The following VAT1L variants were observed in gnomAD, a reference collection of about 807,000 sequenced individuals.
VAT1L encodes the protein putative NADPH-dependent quinone oxidoreductase VAT1L.
A neutral mutation model predicts 44.1 loss-of-function variants in VAT1L; 34 were observed. That is an observed-to-expected ratio of 0.77 (90% confidence interval 0.59 to 1.03). The LOEUF (loss-of-function observed/expected upper bound fraction) is 1.03. Ranked by LOEUF, VAT1L falls within the 50% of genes least tolerant of loss-of-function variation. The pLI, the probability that VAT1L is intolerant of heterozygous loss-of-function variation, is 0.00. For missense variants in VAT1L, 615 were observed against 538.8 expected, an observed-to-expected ratio of 1.14 and a Z score of -1.40; for synonymous variants, 253 against 202.2, an observed-to-expected ratio of 1.25 and a Z score of -2.13.
At chr16:77,933,342 C>T (rs548841369) in intron 7 of VAT1L, among the ~76,000 whole-genome samples, 14 of 152,288 alleles carry the variant, frequency 9.2e-5, no homozygotes, top group African/African-American at 3.4e-4. Flanking sequence ...ACTCCAAAAA[C>T]TGTATTTACC....
intron 3 of VAT1L, among the ~76,000 whole-genome samples, chr16:77,845,571 A>G (rs1448106329): frequency 6.6e-6 from 1 of 152,146 alleles, no homozygotes; most frequent in Non-Finnish European, 1.5e-5. Context: ...CTTGTGGGGA[A>G]ATTCAAACCC....
At chr16:77,863,111 T>G (rs971520283) in intron 4 of VAT1L, among the ~76,000 whole-genome samples, 2 of 152,210 alleles carry the variant, frequency 1.3e-5, no homozygotes, top group African/African-American at 4.8e-5. Context: ...CTTGGAAAGT[T>G]AATGTATTAA....
At chr16:77,855,341 G>C (rs1040530712) in intron 3 of VAT1L, among the ~76,000 whole-genome samples, 2 of 95,982 alleles carry the variant, frequency 2.1e-5, no homozygotes, top group Admixed American at 1.2e-4. Flanking sequence ...CTCCATCTCA[G>C]AAAAAAAAAA....
chr16:77,923,347 G>A (rs2142495832), intron 7 of VAT1L, among the ~76,000 whole-genome samples: 1 of 151,310 alleles, frequency 6.6e-6, no homozygotes. Flanking sequence ...CTACTCAGGA[G>A]GCTGAGGCAG....
At chr16:77,802,708 A>G (rs990771973) in intron 1 of VAT1L, among the ~76,000 whole-genome samples, 1 of 151,458 alleles carries the variant, frequency 6.6e-6, no homozygotes, top group Non-Finnish European at 1.5e-5. Context: ...AAAACTTCTC[A>G]AACATTTTCT....
At chr16:77,909,653 A>C (rs1328970229) in intron 7 of VAT1L, among the ~76,000 whole-genome samples, 1 of 151,936 alleles carries the variant, frequency 6.6e-6, no homozygotes, top group Admixed American at 6.6e-5. Context: ...AAAAAAAAAA[A>C]AAAAGACTTC....
chr16:77,963,659 G>C (rs898036547), intron 7 of VAT1L, among the ~76,000 whole-genome samples: 2 of 151,896 alleles, frequency 1.3e-5, no homozygotes, highest in African/African-American at 4.8e-5. Flanking sequence ...CCGAGAGGCT[G>C]GGGGAACTGC....
chr16:77,876,648 A>G, intron 5 of VAT1L, among the ~76,000 whole-genome samples, 175 bp downstream of exon 5: 1 of 152,188 alleles, frequency 6.6e-6, no homozygotes. Flanking sequence ...TCAATTTTAA[A>G]ATAACATGTG....
In VAT1L at chr16:77,879,614, T is replaced by C. The variant is rs1324625821; in HGVS notation, c.882+390T>C. On this transcript the variant is annotated intron_variant, in intron 6 of 8. Transcript: ENST00000302536. The surrounding 1 kb of genome is among the most constrained non-coding windows in gnomAD (Gnocchi z 4.1). ...AGCTCTTCTATCATAAGGCATTGAC[T>C]TAATCTTGTCTTTCAATTTCCTCGT... is the stretch of plus-strand genomic sequence containing the variant. Among the ~76,000 whole-genome samples, 3 of 152,216 alleles carry C rather than the reference T, an allele frequency of 2.0e-5. No individual in the cohort carries two copies. Among genetic ancestry groups the C allele is most frequent in the Admixed American group, 2.0e-4 (3 of 15,278 alleles).
At chr16:77,842,086 A>G (rs12445984) in intron 3 of VAT1L, among the ~76,000 whole-genome samples, 41,574 of 151,896 alleles carry the variant, frequency 0.27, 5,858 homozygotes, top group Middle Eastern at 0.3. Flanking sequence ...ACGGGGTTTC[A>G]CCATGTTAGC....
Position 77,788,845 on chromosome 16 carries a change from A to G in VAT1L, c.163A>G (p.Lys55Glu). The change falls in exon 1 of 9, where the codon AAG becomes GAG. Residue 55 changes from lysine to glutamate, a missense_variant. Transcript: ENST00000302536. ...VVLAGFGGLN[K>E]LRLFRKAMPE... ...GCTGGCTGGCTTCGGGGGGCTCAAC[A>G]AGCTGCGGCTCTTCAGGAAGGCCAT... The G allele has an allele frequency of 6.3e-7, 1 of 1,579,546 alleles. No homozygotes were observed. Among genetic ancestry groups the G allele is most frequent in the Non-Finnish European group, 8.6e-7 (1 of 1,164,200 alleles).
At position 77,977,677 on chromosome 16, in the gene VAT1L, G is replaced by A. The variant is rs1332971268; in HGVS notation, c.1242G>A (p.Arg414=). The change falls in exon 9 of 9, where the codon CGG becomes CGA. Residue 414 remains arginine (R), a synonymous_variant. Transcript: ENST00000302536. ...DHEGDSENKE[R]MPFIQ is the part of the protein sequence containing the mutation. ...AGGGAGACAGCGAGAACAAGGAGCG[G>A]ATGCCCTTTATCCAGTAACTGAGGA... 6.2e-7 allele frequency: 1 copy of A among 1,614,032 alleles called. No homozygotes were observed.
At chr16:77,917,355 G>A (rs568131668) in intron 7 of VAT1L, among the ~76,000 whole-genome samples, 11 of 152,134 alleles carry the variant, frequency 7.2e-5, no homozygotes, top group Admixed American at 2.0e-4. Flanking sequence ...ATAATTTCCC[G>A]GAAATTACCT....
At chr16:77,817,190 G>T in intron 2 of VAT1L, 140 bp downstream of exon 2, 1 of 1,320,556 alleles carries the variant, frequency 7.6e-7, no homozygotes. Context: ...TGTTGACAAT[G>T]TTTATAGTCA....
At chr16:77,792,033 C>T (rs1176605661) in intron 1 of VAT1L, among the ~76,000 whole-genome samples, 2 of 151,978 alleles carry the variant, frequency 1.3e-5, no homozygotes, top group Non-Finnish European at 2.9e-5. Flanking sequence ...ATCCATATGC[C>T]CCTGGGGGAT....
intron 7 of VAT1L, among the ~76,000 whole-genome samples, chr16:77,939,385 C>T (rs913559631): frequency 2.7e-5 from 4 of 148,424 alleles, no homozygotes; most frequent in Admixed American, 1.3e-4. Context: ...AGTGGGGGGC[C>T]GGAGGCGGGC....
chr16:77,884,918 A>C lies in VAT1L; in HGVS notation c.1077+116A>C. On this transcript the variant is annotated intron_variant, in intron 7 of 8. Coordinates refer to ENST00000302536, the MANE Select transcript of VAT1L (RefSeq NM_020927.3). The surrounding 1 kb of genome is among the most constrained non-coding windows in gnomAD (Gnocchi z 4.5). Reference sequence around the variant, plus strand: ...TTTTTCCCAGATGGGTTTGTTTTAAATGAGGGTCCTAAAAGTCACCTGTAC... The same window carrying C: ...TTTTTCCCAGATGGGTTTGTTTTAACTGAGGGTCCTAAAAGTCACCTGTAC... 8.6e-7 allele frequency: 1 copy of C among 1,168,664 alleles called. No individual in the cohort carries two copies. Among genetic ancestry groups the C allele is most frequent in the South Asian group, 1.8e-5 (1 of 54,228 alleles). 72.4% of individuals were successfully genotyped at this position (1,168,664 alleles called of 1,614,324 possible).
At chr16:77,897,819 G>C (rs990639798) in intron 7 of VAT1L, among the ~76,000 whole-genome samples, 2 of 152,144 alleles carry the variant, frequency 1.3e-5, no homozygotes. Flanking sequence ...GGTTTGTCCT[G>C]TAGCACTTCA....
chr16:77,873,319 G>T (rs1445753302), intron 4 of VAT1L, among the ~76,000 whole-genome samples: 1 of 152,198 alleles, frequency 6.6e-6, no homozygotes, highest in African/African-American at 2.4e-5. Flanking sequence ...GAGTTAAAAT[G>T]CCTGCCTCAT....
Sources: gnomAD v4.1 joint callset for allele counts (sites outside exome capture counted in the v4.1 genomes callset) on GRCh38, gnomAD v4.1.1 for gene constraint, Gnocchi (gnomAD v3.1) non-coding constraint, MANE v1.5 for transcripts, NCBI Gene and HGNC (gene_info 2026-07-23, HGNC 2026-07-21) for gene names.